Variants in PRICKLE2 observed in about 807,000 individuals in gnomAD.
PRICKLE2 encodes prickle planar cell polarity protein 2.
A neutral mutation model predicts 81.4 loss-of-function variants in PRICKLE2; 21 were observed. The ratio of observed to expected loss-of-function variants is 0.26; its 90% confidence interval spans 0.18 to 0.37. The LOEUF is 0.37. Among genes scored for constraint, PRICKLE2 ranks in the 10% least tolerant of loss-of-function variants. The pLI is 1.00. For synonymous variants in PRICKLE2, 456 were observed against 421.5 expected, an observed-to-expected ratio of 1.08 and a Z score of -1.00; for missense variants, 940 against 1,109.0, an observed-to-expected ratio of 0.85 and a Z score of 2.16.
intron 7 of PRICKLE2, among the ~76,000 whole-genome samples, chr3:64,105,266 C>T (rs937697313): frequency 1.4e-4 from 21 of 152,182 alleles, no homozygotes; most frequent in Non-Finnish European, 2.6e-4. Context: ...CTCACTATTG[C>T]ACTTGACCCT....
chr3:64,219,417 C>T (rs1245040140), intron 1 of PRICKLE2, among the ~76,000 whole-genome samples: 1 of 152,188 alleles, frequency 6.6e-6, no homozygotes, highest in East Asian at 1.9e-4. Context: ...ATCTCTCTGC[C>T]CACAGCCACA....
chr3:64,259,566 C>T (rs2079585890), intron 2 of PRICKLE2, among the ~76,000 whole-genome samples: 1 of 152,116 alleles, frequency 6.6e-6, no homozygotes. Flanking sequence ...ATCCCCAGAA[C>T]CTGAAAATCA....
chr3:64,230,506 G>A (rs1198185351), intron 2 of PRICKLE2, among the ~76,000 whole-genome samples: 1 of 152,158 alleles, frequency 6.6e-6, no homozygotes, highest in East Asian at 1.9e-4. Context: ...AACATGTGAA[G>A]CTTCTACAAT....
intron 1 of PRICKLE2, among the ~76,000 whole-genome samples, chr3:64,210,355 G>A (rs17070148): frequency 0.033 from 5,051 of 152,142 alleles, 289 homozygotes; most frequent in African/African-American, 0.11. Context: ...CATGAACCTT[G>A]ACACTTGCCA....
intron 2 of PRICKLE2, among the ~76,000 whole-genome samples, chr3:64,255,812 G>A (rs1396156764): frequency 3.3e-5 from 5 of 152,208 alleles, no homozygotes. Flanking sequence ...TCTGGCCAAG[G>A]AGATGGTAGT....
rs186375261 is a variant in PRICKLE2, at chr3:64,114,267, G to C, written c.1661-14342C>G. Among the ~76,000 whole-genome samples, 21 of 151,720 alleles carry C rather than the reference G, an allele frequency of 1.4e-4. 1 individual carries two copies. The East Asian group carries it at 3.1e-3, about 22-fold the overall frequency. On this transcript the variant is annotated intron_variant, in intron 7 of 7. Transcript: ENST00000638394. ...AAGGTAGATAAGCCCACAAATTTGA[G>C]AAAGAATCAGGGCAAGAATGCTGAA...
intron 2 of PRICKLE2, among the ~76,000 whole-genome samples, chr3:64,262,539 AG>A (rs2079631045): frequency 6.6e-6 from 1 of 151,986 alleles, no homozygotes; most frequent in Non-Finnish European, 1.5e-5. Flanking sequence ...TGTAACAAGA[AG>A]CCATGGGCTG....
intron 5 of PRICKLE2, 93 bp from the exon 6 acceptor site, chr3:64,153,461 T>A: frequency 1.7e-6 from 2 of 1,211,232 alleles, no homozygotes; most frequent in African/African-American, 1.5e-5. Flanking sequence ...ACTAGAAGGG[T>A]AAGAAAGCAG....
Position 64,201,765 on chromosome 3 carries a change from G to C in PRICKLE2, c.-40-2798C>G, listed in dbSNP as rs1013047893. Among the ~76,000 whole-genome samples the C allele has an allele frequency of 5.3e-5, 8 of 152,040 alleles. No individual in the cohort carries two copies. The East Asian group carries it at 1.4e-3, about 26-fold the overall frequency. ...TTTTATGAAGTCTAATTTTGTTGTTGTTGCTGTTGCTTTTGTTTTTTTAAT... is the reference window on the plus strand; with the variant it reads ...TTTTATGAAGTCTAATTTTGTTGTTCTTGCTGTTGCTTTTGTTTTTTTAAT... On this transcript the variant is annotated intron_variant, in intron 1 of 7. Transcript: ENST00000638394.
At chr3:64,130,982 A>T (rs1224051064) in intron 7 of PRICKLE2, among the ~76,000 whole-genome samples, 1 of 152,182 alleles carries the variant, frequency 6.6e-6, no homozygotes, top group Admixed American at 6.5e-5. Flanking sequence ...AGTAAGTGTG[A>T]AGTATTCACT....
intron 2 of PRICKLE2, among the ~76,000 whole-genome samples, chr3:64,183,085 A>G (rs1180145773): frequency 6.6e-6 from 1 of 152,058 alleles, no homozygotes; most frequent in Non-Finnish European, 1.5e-5. Flanking sequence ...TCCCACTTAA[A>G]ACCATAAGAA....
At chr3:64,108,781 C>T (rs2076796978) in intron 7 of PRICKLE2, among the ~76,000 whole-genome samples, 1 of 152,160 alleles carries the variant, frequency 6.6e-6, no homozygotes, top group East Asian at 1.9e-4. Context: ...CTCCAGGAAA[C>T]AAGACCCTCA....
chr3:64,126,122 A>C (rs2077102343), intron 7 of PRICKLE2, among the ~76,000 whole-genome samples: 1 of 152,162 alleles, frequency 6.6e-6, no homozygotes, highest in South Asian at 2.1e-4. Context: ...AATTAGAGAA[A>C]ACAGTAAAAT....
chr3:64,182,152 T>C (rs1419994405), intron 2 of PRICKLE2, among the ~76,000 whole-genome samples: 1 of 151,994 alleles, frequency 6.6e-6, no homozygotes, highest in South Asian at 2.1e-4. Context: ...GATGGGACCT[T>C]TTGGAAGTTG....
intron 1 of PRICKLE2, among the ~76,000 whole-genome samples, chr3:64,213,586 TG>T (rs897082518): frequency 6.6e-6 from 1 of 152,308 alleles, no homozygotes; most frequent in African/African-American, 2.4e-5. Context: ...CCAAGTACTG[TG>T]GTTACTACTG....
chr3:64,238,354 G>A (rs1254232226), intron 2 of PRICKLE2, among the ~76,000 whole-genome samples: 1 of 151,964 alleles, frequency 6.6e-6, no homozygotes, highest in East Asian at 1.9e-4. Flanking sequence ...TGGGCATGAT[G>A]GTGCCTGCCT....
intron 1 of PRICKLE2, among the ~76,000 whole-genome samples, chr3:64,209,920 G>A (rs2078758048): frequency 6.6e-6 from 1 of 152,218 alleles, no homozygotes; most frequent in African/African-American, 2.4e-5. Context: ...AGAAGACTAT[G>A]AGGCAGATAT....
chr3:64,119,477 C>T (rs1436644929), intron 7 of PRICKLE2, among the ~76,000 whole-genome samples: 2 of 152,140 alleles, frequency 1.3e-5, no homozygotes, highest in African/African-American at 4.8e-5. Context: ...CACTAATCAT[C>T]ACAGAAATGC....
chr3:64,127,098 C>T (rs1159399494), intron 7 of PRICKLE2, among the ~76,000 whole-genome samples: 1 of 152,030 alleles, frequency 6.6e-6, no homozygotes, highest in Non-Finnish European at 1.5e-5. Context: ...GGCAGACAGG[C>T]AATAAACAGA....
Sources: allele counts gnomAD v4.1 joint callset (sites outside exome capture counted in the v4.1 genomes callset), GRCh38; gene constraint gnomAD v4.1.1; transcripts MANE v1.5; gene names NCBI Gene and HGNC (gene_info 2026-07-23, HGNC 2026-07-21).